RGS6: variants seen among roughly 807,000 people sequenced by gnomAD.
RGS6 encodes regulator of G protein signaling 6.
In RGS6, 30 loss-of-function variants were observed where a neutral mutation model predicts 78.5. That is an observed-to-expected ratio of 0.38 (90% confidence interval 0.29 to 0.52). The LOEUF (loss-of-function observed/expected upper bound fraction) is 0.52, where lower values mean the gene tolerates loss of function less well. Ranked by LOEUF, RGS6 falls within the 20% of genes least tolerant of loss-of-function variation. The pLI is 0.85. For missense variants in RGS6, 495 were observed against 609.7 expected, an observed-to-expected ratio of 0.81 and a Z score of 1.98; for synonymous variants, 206 against 206.0, an observed-to-expected ratio of 1.00 and a Z score of 0.00.
chr14:71,922,328 C>T, the RGS6 span, among the ~76,000 whole-genome samples: 2 of 152,168 alleles, frequency 1.3e-5, no homozygotes, highest in Non-Finnish European at 2.9e-5. Context: ...TAACCCAAGA[C>T]AAAACACCAT....
intron 12 of RGS6, among the ~76,000 whole-genome samples, chr14:72,491,604 T>C (rs1330077753): frequency 4.6e-5 from 7 of 152,256 alleles, no homozygotes; most frequent in Non-Finnish European, 1.0e-4. Flanking sequence ...TGTTATTTTT[T>C]ATTTTTTTAA....
chr14:72,043,715 A>C (rs907720261), intron 2 of RGS6, among the ~76,000 whole-genome samples: 1 of 152,066 alleles, frequency 6.6e-6, no homozygotes, highest in Admixed American at 6.5e-5. Flanking sequence ...TATTTTTGAC[A>C]TTTATTGTGC....
chr14:72,367,647 A>AT (rs993910399), intron 3 of RGS6, among the ~76,000 whole-genome samples: 1 of 152,210 alleles, frequency 6.6e-6, no homozygotes, highest in Non-Finnish European at 1.5e-5. Flanking sequence ...TACTTAACAC[A>AT]TTTTTTTATG....
At chr14:72,040,350 T>A (rs531514072) in intron 2 of RGS6, among the ~76,000 whole-genome samples, 42 of 152,146 alleles carry the variant, frequency 2.8e-4, no homozygotes, top group East Asian at 1.2e-3. Flanking sequence ...TGTTTATTTC[T>A]CCTTCATTTT....
At chr14:72,403,621 T>C (rs1378360474) in intron 3 of RGS6, among the ~76,000 whole-genome samples, 1 of 152,232 alleles carries the variant, frequency 6.6e-6, no homozygotes, top group East Asian at 1.9e-4. Context: ...ACGTAAAGAA[T>C]TGAAAACTCT....
chr14:72,603,987 A>G, the RGS6 span, among the ~76,000 whole-genome samples: 1 of 152,194 alleles, frequency 6.6e-6, no homozygotes, highest in African/African-American at 2.4e-5. Context: ...AGGATGGGAG[A>G]GAGAGTAATA....
At chr14:72,326,900 G>T (rs1445160388) in intron 2 of RGS6, among the ~76,000 whole-genome samples, 2 of 152,072 alleles carry the variant, frequency 1.3e-5, no homozygotes, top group African/African-American at 4.8e-5. Flanking sequence ...ATAGAGATGG[G>T]GTTTCACTGT....
chr14:72,295,347 A>G (rs2064579629), intron 2 of RGS6, among the ~76,000 whole-genome samples: 2 of 151,998 alleles, frequency 1.3e-5, no homozygotes, highest in East Asian at 1.9e-4. Context: ...GAACTCCAGT[A>G]TACGCAACTG....
chr14:72,050,768 C>G (rs2093182575), intron 2 of RGS6, among the ~76,000 whole-genome samples: 2 of 152,154 alleles, frequency 1.3e-5, no homozygotes, highest in Non-Finnish European at 2.9e-5. Flanking sequence ...ATTGAAAATA[C>G]AGTATTCCCA....
At chr14:71,943,324 G>A (rs1409685704) in intron 1 of RGS6, among the ~76,000 whole-genome samples, 1 of 152,188 alleles carries the variant, frequency 6.6e-6, no homozygotes, top group Non-Finnish European at 1.5e-5. Flanking sequence ...AGAGGACCCT[G>A]TATGAAGTAT....
chr14:72,510,507 C>T (rs1331580224), intron 14 of RGS6, among the ~76,000 whole-genome samples: 2 of 152,182 alleles, frequency 1.3e-5, no homozygotes, highest in Non-Finnish European at 2.9e-5. Context: ...GTCTATATGA[C>T]CTTTGTGCGA....
chr14:71,940,140 A>G (rs1003228780), intron 1 of RGS6, among the ~76,000 whole-genome samples: 1 of 152,190 alleles, frequency 6.6e-6, no homozygotes, highest in Non-Finnish European at 1.5e-5. Flanking sequence ...GAGGACCACA[A>G]TGATGTTTTG....
chr14:72,264,369 A>G (rs1223221546), intron 2 of RGS6, among the ~76,000 whole-genome samples: 1 of 152,240 alleles, frequency 6.6e-6, no homozygotes. Context: ...GATAACTATA[A>G]AGAACAAACT....
At chr14:72,629,694 G>A in the RGS6 span, 2 of 1,536,008 alleles carry the variant, frequency 1.3e-6, no homozygotes, top group Non-Finnish European at 1.7e-6. Context: ...GGTCTTGACA[G>A]CCTCGGTCAT....
intron 2 of RGS6, among the ~76,000 whole-genome samples, chr14:72,002,237 C>A (rs2083607110): frequency 6.6e-6 from 1 of 152,000 alleles, no homozygotes; most frequent in Admixed American, 6.6e-5. Flanking sequence ...AGATAGGCAC[C>A]CCAAGTAGGA....
chr14:72,549,454 T>A (rs1201651923), intron 17 of RGS6, among the ~76,000 whole-genome samples: 2 of 152,202 alleles, frequency 1.3e-5, no homozygotes, highest in African/African-American at 4.8e-5. Context: ...AAACTCATCC[T>A]GTCATAGTTC....
intron 4 of RGS6, among the ~76,000 whole-genome samples, chr14:72,455,921 C>T (rs377339600): frequency 9.2e-5 from 14 of 152,168 alleles, no homozygotes; most frequent in Non-Finnish European, 1.3e-4. Context: ...GTTTCTTTGC[C>T]TCCTAAAATA....
In RGS6 at chr14:72,100,744, A is replaced by T. The variant is rs1254475369; in HGVS notation, c.84+135869A>T. ...TCAGTAAATATTTGTTTTCTAAATG[A>T]ATCTATCTGTAAGCAACTCAAGTAA... is the stretch of plus-strand genomic sequence containing the variant. On this transcript the variant is annotated intron_variant, in intron 2 of 17. Transcript: ENST00000553525. Among the ~76,000 whole-genome samples the T allele has an allele frequency of 9.2e-5, 14 of 152,210 alleles. No homozygotes were observed. In the South Asian group the frequency reaches 2.7e-3, roughly 29 times the overall value.
chr14:72,457,185 T>C (rs969429065), intron 4 of RGS6, among the ~76,000 whole-genome samples: 5 of 152,210 alleles, frequency 3.3e-5, no homozygotes, highest in African/African-American at 1.2e-4. Flanking sequence ...TGTATGTTTC[T>C]TTCAAAGGAG....
Sources: allele counts gnomAD v4.1 joint callset (sites outside exome capture counted in the v4.1 genomes callset), GRCh38; gene constraint gnomAD v4.1.1; transcripts MANE v1.5; gene names NCBI Gene and HGNC (gene_info 2026-07-23, HGNC 2026-07-21).